The following ATL1 variants were observed in gnomAD, a reference collection of about 807,000 sequenced individuals.
The protein encoded by ATL1 is atlastin GTPase 1, also known as atlastin-1.
ATL1 carries 31 observed loss-of-function variants against 75.5 expected under a neutral mutation model. That is an observed-to-expected ratio of 0.41 (90% CI 0.31 to 0.55). ATL1 has a LOEUF of 0.55. ATL1 is among the 20% of genes least tolerant of loss of function. ATL1 has a pLI of 0.27. For synonymous variants in ATL1, 226 were observed against 233.3 expected (o/e 0.97, Z 0.28); for missense variants, 405 against 662.6 (o/e 0.61, Z 4.27).
chr14:50,589,255 G>A (rs2039132649), intron 2 of ATL1, among the ~76,000 whole-genome samples: 1 of 151,142 alleles, frequency 6.6e-6, no homozygotes, highest in Non-Finnish European at 1.5e-5. Context: ...TGCCTCCCGG[G>A]TTCAAGGATT....
At chr14:50,593,385 T>C (rs1303427490) in intron 4 of ATL1, among the ~76,000 whole-genome samples, 2 of 152,190 alleles carry the variant, frequency 1.3e-5, no homozygotes, top group Non-Finnish European at 1.5e-5. Context: ...CACATATATA[T>C]ATAAGGATGT....
At chr14:50,587,443 C>G (rs929779833) in intron 1 of ATL1, among the ~76,000 whole-genome samples, 1 of 152,028 alleles carries the variant, frequency 6.6e-6, no homozygotes, top group African/African-American at 2.4e-5. Context: ...CAGGGTCTCC[C>G]TCTATTGTCC....
intron 6 of ATL1, among the ~76,000 whole-genome samples, chr14:50,611,885 C>T (rs2039369597): frequency 6.6e-6 from 1 of 152,208 alleles, no homozygotes; most frequent in East Asian, 1.9e-4. Flanking sequence ...CATGTGCACA[C>T]TCTCTACCCA....
chr14:50,600,574 A>G (rs755339764), intron 6 of ATL1, among the ~76,000 whole-genome samples: 1 of 152,236 alleles, frequency 6.6e-6, no homozygotes, highest in Non-Finnish European at 1.5e-5. Flanking sequence ...CAAAACATAT[A>G]TGAGTTAAAT....
chr14:50,628,045 C>T lies in ATL1; in HGVS notation c.1134C>T (p.Asp378=). The T allele has an allele frequency of 6.2e-7, 1 of 1,614,142 alleles. No homozygotes were observed. The highest frequency in any genetic ancestry group is 1.1e-5 in the South Asian group (1 of 91,082). The change falls in exon 12 of 14, where the codon GAC becomes GAT. Residue 378 remains aspartate (D), a synonymous_variant. Coordinates refer to ENST00000358385, the MANE Select transcript of ATL1 (RefSeq NM_015915.5). ...ATCTGATACAGATTTGTGGTGGTGA[C>T]AAACCATTTCTGGCCCCAAATGACT... The part of the protein sequence containing the change: ...NKKMEEICGG[D]KPFLAPNDLQ...
chr14:50,573,336 A>T (rs1313343113), intron 1 of ATL1, among the ~76,000 whole-genome samples: 1 of 152,164 alleles, frequency 6.6e-6, no homozygotes, highest in Admixed American at 6.5e-5. Flanking sequence ...TGGTAATGGA[A>T]ATGTTTTGTG....
At chr14:50,557,443 A>T (rs959115891), upstream of ATL1, among the ~76,000 whole-genome samples, 2 of 152,294 alleles carry the variant, frequency 1.3e-5, no homozygotes, top group Middle Eastern at 3.4e-3. Flanking sequence ...CAGGAATGGT[A>T]TACTATTTTC....
At chr14:50,567,781 T>C (rs2038918695) in intron 1 of ATL1, among the ~76,000 whole-genome samples, 1 of 152,244 alleles carries the variant, frequency 6.6e-6, no homozygotes, top group Admixed American at 6.5e-5. Context: ...TGCCACAAAT[T>C]TGTGAATTTT....
At chr14:50,589,155 C>CTTTTTTTTTTTTT (rs34191629) in intron 2 of ATL1, among the ~76,000 whole-genome samples, 117 of 109,334 alleles carry the variant, frequency 1.1e-3, no homozygotes, top group Non-Finnish European at 1.3e-3. Context: ...TTCTTTCTTT[C>CTTTTTTTTTTTTT]TTTTTTTTTT....
intron 13 of ATL1, among the ~76,000 whole-genome samples, chr14:50,630,764 A>G (rs1237392917): frequency 6.6e-6 from 1 of 152,230 alleles, no homozygotes; most frequent in Non-Finnish European, 1.5e-5. Flanking sequence ...ATAAGAAGTT[A>G]TTTTATGCAA....
chr14:50,593,180 A>G (rs2140207391), intron 4 of ATL1, among the ~76,000 whole-genome samples: 1 of 152,022 alleles, frequency 6.6e-6, no homozygotes, highest in Admixed American at 6.5e-5. Context: ...AATACATTGA[A>G]TATTTTCAGA....
At chr14:50,571,936 T>C (rs1036750347) in intron 1 of ATL1, 2 of 341,022 alleles carry the variant, frequency 5.9e-6, no homozygotes, top group Non-Finnish European at 1.1e-5. Context: ...TCTTCTAACA[T>C]GATGGTACTA....
At chr14:50,535,516 A>G (rs2038480664) in intron 1 of ATL1, among the ~76,000 whole-genome samples, 1 of 152,262 alleles carries the variant, frequency 6.6e-6, no homozygotes, top group South Asian at 2.1e-4. Context: ...TTAAACAGAA[A>G]TCAATTAAAT....
At chr14:50,588,102 G>C in intron 2 of ATL1, 24 bp downstream of exon 2, 1 of 1,613,680 alleles carries the variant, frequency 6.2e-7, no homozygotes, top group South Asian at 1.1e-5. Context: ...ACTTTAAAAA[G>C]TTTTCTTTCT....
At chr14:50,546,881 G>A (rs938892556) in intron 1 of ATL1, among the ~76,000 whole-genome samples, 8 of 152,098 alleles carry the variant, frequency 5.3e-5, no homozygotes, top group Middle Eastern at 3.4e-3. Flanking sequence ...GTACATGTGC[G>A]GAACATGCAG....
Position 50,629,980 on chromosome 14 carries a change from C to G in ATL1, c.1552-15C>G. The stretch of plus-strand genomic sequence containing the variant: ...TATACTTTTCTTTTTTCTTTTTAAT[C>G]TGCCTTTGCCACAGGGAAGTACAAA... On this transcript the variant is annotated splice_polypyrimidine_tract_variant and intron_variant, in intron 12 of 13. Coordinates refer to ENST00000358385, the MANE Select transcript of ATL1 (RefSeq NM_015915.5). 1 of 1,584,728 alleles carries G rather than the reference C, an allele frequency of 6.3e-7. No homozygotes were observed. Among genetic ancestry groups the G allele is most frequent in the Non-Finnish European group, 8.6e-7 (1 of 1,161,530 alleles).
chr14:50,628,705 T>C lies in ATL1; in HGVS notation c.1551+243T>C, dbSNP rs1202971857. The C allele has an allele frequency of 1.3e-5, 8 of 632,990 alleles. No individual in the cohort carries two copies. In the East Asian group the frequency reaches 1.9e-4, roughly 15 times the overall value. 39.2% of individuals were successfully genotyped at this position (632,990 alleles called of 1,614,324 possible). A position where few individuals can be genotyped will look rare whatever the true frequency, so the allele number is the denominator to read the frequency against. ...AAAAAAATATACATCAGTTTAGTAG[T>C]ATATATACTTTTTTTTCTTTTTTTG... is the stretch of plus-strand genomic sequence containing the variant. On this transcript the variant is annotated intron_variant, in intron 12 of 13. Coordinates refer to ENST00000358385, the MANE Select transcript of ATL1 (RefSeq NM_015915.5).
intron 1 of ATL1, among the ~76,000 whole-genome samples, chr14:50,574,453 G>A (rs892598258): frequency 1.3e-5 from 2 of 152,202 alleles, no homozygotes; most frequent in African/African-American, 4.8e-5. Flanking sequence ...ATAGAGAACA[G>A]CTTAGAATGA....
intron 1 of ATL1, among the ~76,000 whole-genome samples, chr14:50,569,321 C>T (rs957484914): frequency 6.6e-6 from 1 of 151,778 alleles, no homozygotes; most frequent in Non-Finnish European, 1.5e-5. Context: ...GATCATGCCA[C>T]TGCATTCTAG....
Sources: allele counts gnomAD v4.1 joint callset (sites outside exome capture counted in the v4.1 genomes callset), GRCh38; gene constraint gnomAD v4.1.1; transcripts MANE v1.5; gene names NCBI Gene and HGNC (gene_info 2026-07-23, HGNC 2026-07-21).